UTRN: variants seen among roughly 807,000 people sequenced by gnomAD.
UTRN encodes the protein dystrophin-related protein 1.
UTRN carries 283 observed loss-of-function variants against 463.9 expected under a neutral mutation model. That is an observed-to-expected ratio of 0.61 (90% CI 0.55 to 0.67). The LOEUF (loss-of-function observed/expected upper bound fraction) is 0.67. Ranked by LOEUF, UTRN falls within the 30% of genes least tolerant of loss-of-function variation. The pLI, the probability that UTRN is intolerant of heterozygous loss-of-function variation, is 0.00. For missense variants in UTRN, 3,922 were observed against 4,084.3 expected (o/e 0.96, Z 1.08); for synonymous variants, 1,442 against 1,431.5 (o/e 1.01, Z -0.17).
intron 34 of UTRN, among the ~76,000 whole-genome samples, chr6:144,503,395 A>C (rs1371929814): frequency 6.6e-6 from 1 of 152,144 alleles, no homozygotes; most frequent in Non-Finnish European, 1.5e-5. Flanking sequence ...CTTACGTTTA[A>C]GTCTTTAATC....
intron 27 of UTRN, among the ~76,000 whole-genome samples, chr6:144,484,568 G>A (rs1792238881): frequency 6.8e-6 from 1 of 147,386 alleles, no homozygotes; most frequent in African/African-American, 2.5e-5. Flanking sequence ...TCAGCCTCCC[G>A]AGTAGCTGGG....
chr6:144,337,160 C>G (rs562540955), intron 2 of UTRN, among the ~76,000 whole-genome samples: 1 of 147,928 alleles, frequency 6.8e-6, no homozygotes, highest in Admixed American at 6.7e-5. Flanking sequence ...GACACACACA[C>G]ACAGACACAC....
At chr6:144,784,729 A>T (rs1048384154) in intron 61 of UTRN, among the ~76,000 whole-genome samples, 1 of 152,168 alleles carries the variant, frequency 6.6e-6, no homozygotes, top group African/African-American at 2.4e-5. Flanking sequence ...TAGGGAGTTA[A>T]ATGTTGGCAC....
chr6:144,308,764 C>T (rs1242486000), intron 2 of UTRN, among the ~76,000 whole-genome samples: 1 of 152,140 alleles, frequency 6.6e-6, no homozygotes, highest in African/African-American at 2.4e-5. Flanking sequence ...CTTCTGCATC[C>T]CTATGATTTC....
rs35954430 is a variant in UTRN, at chr6:144,842,110, CAAAA to C, written c.10270+1299_10270+1302del. On this transcript the variant is annotated intron_variant, in intron 73 of 74. Transcript: ENST00000367545. Reference sequence around the variant, plus strand: ...GGGAGACAGCGTGAGACTTCCTCTCCAAAAAAAAAAAAAAAAAAAAAAAAGCCAT... The same window carrying C: ...GGGAGACAGCGTGAGACTTCCTCTCCAAAAAAAAAAAAAAAAAAAAGCCAT... Among the ~76,000 whole-genome samples the C allele has an allele frequency of 1.6e-4, 10 of 62,098 alleles. No individual in the cohort carries two copies. In the East Asian group the frequency reaches 1.8e-3, roughly 11 times the overall value. 40.7% of individuals were successfully genotyped at this position (62,098 alleles called of 152,430 possible).
At chr6:144,318,744 G>A (rs1401532093) in intron 2 of UTRN, among the ~76,000 whole-genome samples, 2 of 152,162 alleles carry the variant, frequency 1.3e-5, no homozygotes, top group African/African-American at 4.8e-5. Context: ...GATTACAGGC[G>A]TGAGCCACTG....
Position 144,581,013 on chromosome 6 carries a change from A to C in UTRN, c.7479+3725A>C, listed in dbSNP as rs576445725. On this transcript the variant is annotated intron_variant, in intron 51 of 74. Transcript: ENST00000367545. ...TTGCCAAGTGGTGTTAGAGCCTAAG[A>C]CTGGGAACATAGAAGAAAATGTCAG... is the stretch of plus-strand genomic sequence containing the variant. 4.6e-5 allele frequency among the ~76,000 whole-genome samples: 7 copies of C among 152,312 alleles called. No individual in the cohort carries two copies. The South Asian group carries it at 1.5e-3, about 32-fold the overall frequency.
At chr6:144,426,566 C>T in intron 7 of UTRN, 107 bp downstream of exon 7, 3 of 1,129,544 alleles carry the variant, frequency 2.7e-6, no homozygotes, top group Non-Finnish European at 3.6e-6. Context: ...TGCCACTGCT[C>T]TCCTTTCTGC....
At position 144,852,318 on chromosome 6, in the gene UTRN, T is replaced by G. The variant is rs1174736975; in HGVS notation, c.*1321T>G. Reference sequence around the variant, plus strand: ...GCTTCTGATTTAACATTTAATTGATTCAGTTTAAACATGTTACTTAATTAG... The same window carrying G: ...GCTTCTGATTTAACATTTAATTGATGCAGTTTAAACATGTTACTTAATTAG... On this transcript the variant is annotated 3_prime_UTR_variant, in exon 75 of 75. Coordinates refer to ENST00000367545, the MANE Select transcript of UTRN (RefSeq NM_007124.3). 6.6e-6 allele frequency: 1 copy of G among 152,148 alleles called. No individual in the cohort carries two copies. Among genetic ancestry groups the G allele is most frequent in the Admixed American group, 6.6e-5 (1 of 15,262 alleles). 9.4% of individuals were successfully genotyped at this position (152,148 alleles called of 1,614,324 possible). A position where few individuals can be genotyped will look rare whatever the true frequency, so the allele number is the denominator to read the frequency against.
chr6:144,497,407 C>T (rs1047727024), intron 33 of UTRN, among the ~76,000 whole-genome samples: 1 of 150,872 alleles, frequency 6.6e-6, no homozygotes, highest in Non-Finnish European at 1.5e-5. Flanking sequence ...CGGGTGCGGT[C>T]GCTTATGCCT....
intron 12 of UTRN, among the ~76,000 whole-genome samples, chr6:144,439,230 C>T (rs1242439830): frequency 1.3e-5 from 2 of 152,130 alleles, no homozygotes; most frequent in Non-Finnish European, 2.9e-5. Flanking sequence ...GCAAATTCTT[C>T]GTCTATGATT....
intron 54 of UTRN, among the ~76,000 whole-genome samples, chr6:144,732,870 T>G (rs536320069): frequency 6.6e-6 from 1 of 152,232 alleles, no homozygotes; most frequent in Non-Finnish European, 1.5e-5. Context: ...AGACTATCTT[T>G]TTTAAAAGTT....
intron 9 of UTRN, among the ~76,000 whole-genome samples, chr6:144,432,730 C>G (rs1178379420): frequency 1.3e-5 from 2 of 150,866 alleles, no homozygotes; most frequent in Non-Finnish European, 2.9e-5. Context: ...GTGTTTCTCG[C>G]AGAGGGGGAT....
At chr6:144,426,170 T>TAGAA in intron 6 of UTRN, 117 bp from the exon 7 acceptor site, 1 of 1,266,264 alleles carries the variant, frequency 7.9e-7, no homozygotes. Context: ...GAATGCCAGT[T>TAGAA]ACCTGATCCA....
At chr6:144,398,473 TC>T in intron 2 of UTRN, 1 of 371,900 alleles carries the variant, frequency 2.7e-6, no homozygotes, top group South Asian at 2.5e-5. Context: ...TTTTTTTCCC[TC>T]CAATTATTGG....
chr6:144,374,873 G>A (rs914081545), intron 2 of UTRN, among the ~76,000 whole-genome samples: 2 of 150,586 alleles, frequency 1.3e-5, no homozygotes, highest in Non-Finnish European at 3.0e-5. Flanking sequence ...TTGAACCTGG[G>A]AGGCGGAGGT....
intron 2 of UTRN, among the ~76,000 whole-genome samples, chr6:144,347,366 C>T (rs1166305431): frequency 6.6e-6 from 1 of 152,230 alleles, no homozygotes; most frequent in Non-Finnish European, 1.5e-5. Flanking sequence ...ATTCGTCCCC[C>T]ACTAGACTGA....
At chr6:144,708,237 G>A (rs1785290505) in intron 53 of UTRN, 2 of 629,942 alleles carry the variant, frequency 3.2e-6, no homozygotes, top group South Asian at 1.5e-5. Context: ...TAGTCCAGAG[G>A]TAATTCTGCG....
chr6:144,466,808 G>A (rs1179945234), intron 23 of UTRN, among the ~76,000 whole-genome samples: 3 of 152,138 alleles, frequency 2.0e-5, no homozygotes, highest in Non-Finnish European at 2.9e-5. Flanking sequence ...ATGTATAACT[G>A]GGAAATGAAA....
Sources: allele counts gnomAD v4.1 joint callset (sites outside exome capture counted in the v4.1 genomes callset), GRCh38; gene constraint gnomAD v4.1.1; transcripts MANE v1.5; gene names NCBI Gene and HGNC (gene_info 2026-07-23, HGNC 2026-07-21).